GXYLT2: variants seen among roughly 807,000 people sequenced by gnomAD.
GXYLT2 encodes glucoside xylosyltransferase 2, also known as glycosyltransferase 8 domain containing 4.
A neutral mutation model predicts 45.8 loss-of-function variants in GXYLT2; 53 were observed. That is an observed-to-expected ratio of 1.16 (90% CI 0.93 to 1.46). The LOEUF is 1.46. Among genes scored for constraint, GXYLT2 ranks in the 40% most tolerant of loss-of-function variants. GXYLT2 has a pLI of 0.00. For missense variants in GXYLT2, 551 were observed against 544.4 expected (o/e 1.01, Z -0.12); for synonymous variants, 219 against 214.2 (o/e 1.02, Z -0.19).
At chr3:72,965,544 C>T (rs190282302) in intron 5 of GXYLT2, among the ~76,000 whole-genome samples, 1 of 152,232 alleles carries the variant, frequency 6.6e-6, no homozygotes, top group East Asian at 1.9e-4. Flanking sequence ...AGCATCAAGC[C>T]GAGAAGCCAG....
At chr3:72,894,561 C>T (rs920036039) in intron 1 of GXYLT2, among the ~76,000 whole-genome samples, 1 of 152,198 alleles carries the variant, frequency 6.6e-6, no homozygotes, top group Non-Finnish European at 1.5e-5. Context: ...TGAGCATACC[C>T]TTAGAATGAC....
chr3:72,967,408 T>A, intron 5 of GXYLT2, 139 bp from the exon 6 acceptor site: 1 of 585,340 alleles, frequency 1.7e-6, no homozygotes, highest in Non-Finnish European at 2.8e-6. Flanking sequence ...CAAAATTTGA[T>A]CTATGAGTAA....
chr3:72,918,397 T>C (rs935446949), intron 2 of GXYLT2, among the ~76,000 whole-genome samples: 1 of 152,208 alleles, frequency 6.6e-6, no homozygotes, highest in African/African-American at 2.4e-5. Flanking sequence ...CTTCTTTAGA[T>C]TGTTTCTAAT....
At chr3:72,941,086 A>G (rs1456452465) in intron 3 of GXYLT2, among the ~76,000 whole-genome samples, 1 of 152,214 alleles carries the variant, frequency 6.6e-6, no homozygotes, top group Admixed American at 6.5e-5. Flanking sequence ...AGACATTCGC[A>G]TGCACCAGAA....
chr3:72,975,202 A>T lies in GXYLT2; in HGVS notation c.*43A>T, dbSNP rs373822031. Reference sequence around the variant, plus strand: ...AAGTCAATTAGGTGTCTTGTGACCAAGGAAATACTAATCTCTAAGCTGCCT... The same window carrying T: ...AAGTCAATTAGGTGTCTTGTGACCATGGAAATACTAATCTCTAAGCTGCCT... On this transcript the variant is annotated 3_prime_UTR_variant, in exon 7 of 7. Coordinates refer to ENST00000389617, the MANE Select transcript of GXYLT2 (RefSeq NM_001080393.2). 25 of 1,418,738 alleles carry T rather than the reference A, an allele frequency of 1.8e-5. No individual in the cohort carries two copies. The highest frequency in any genetic ancestry group is 2.4e-5 in the Non-Finnish European group (25 of 1,021,652). The allele number at this position is 1,418,738 out of a possible 1,614,324, so 87.9% of individuals were successfully genotyped here.
At chr3:72,956,055 C>A (rs1356774269) in intron 4 of GXYLT2, among the ~76,000 whole-genome samples, 1 of 152,008 alleles carries the variant, frequency 6.6e-6, no homozygotes, top group African/African-American at 2.4e-5. Context: ...TCCAGCCTGG[C>A]GACAGAGACT....
chr3:72,927,305 C>T (rs1709937954), intron 3 of GXYLT2: 1 of 152,136 alleles, frequency 6.6e-6, no homozygotes, highest in Non-Finnish European at 1.5e-5. Flanking sequence ...TTCCAAGAAA[C>T]TTGTCCCACT....
intron 3 of GXYLT2, among the ~76,000 whole-genome samples, chr3:72,934,456 G>C (rs528771817): frequency 8.0e-4 from 122 of 152,154 alleles, no homozygotes; most frequent in African/African-American, 2.8e-3. Context: ...ACCTTGACTT[G>C]AGACAGCTAA....
intron 1 of GXYLT2, among the ~76,000 whole-genome samples, chr3:72,894,733 C>T (rs1389281730): frequency 1.3e-5 from 2 of 152,204 alleles, no homozygotes; most frequent in African/African-American, 2.4e-5. Flanking sequence ...TTTTGGGTTG[C>T]ATGAAGATTG....
chr3:72,915,005 T>C (rs1274757786), intron 2 of GXYLT2, among the ~76,000 whole-genome samples: 3 of 151,916 alleles, frequency 2.0e-5, no homozygotes. Flanking sequence ...ATACAAAAAT[T>C]AGCTGGGCAT....
intron 1 of GXYLT2, among the ~76,000 whole-genome samples, chr3:72,901,221 G>A (rs984355141): frequency 3.3e-5 from 5 of 151,660 alleles, no homozygotes; most frequent in African/African-American, 7.3e-5. Flanking sequence ...CCTGGAAAGC[G>A]GAGGTTGCAG....
chr3:72,907,622 C>A (rs1344190993), intron 1 of GXYLT2, among the ~76,000 whole-genome samples: 6 of 151,920 alleles, frequency 3.9e-5, no homozygotes, highest in Non-Finnish European at 7.4e-5. Context: ...ACCCTTGGAC[C>A]CTATCCCTCT....
At chr3:72,961,721 T>C (rs1248934105) in intron 5 of GXYLT2, among the ~76,000 whole-genome samples, 2 of 150,180 alleles carry the variant, frequency 1.3e-5, no homozygotes, top group African/African-American at 4.9e-5. Flanking sequence ...TGAATTCTCT[T>C]TAATTTGGGA....
At chr3:72,917,988 A>G (rs1333453268) in intron 2 of GXYLT2, among the ~76,000 whole-genome samples, 1 of 152,068 alleles carries the variant, frequency 6.6e-6, no homozygotes, top group Non-Finnish European at 1.5e-5. Context: ...TTTCCTCTAA[A>G]GTGAGTTGAC....
intron 2 of GXYLT2, among the ~76,000 whole-genome samples, chr3:72,914,171 G>A (rs537610608): frequency 2.6e-5 from 4 of 152,242 alleles, no homozygotes; most frequent in African/African-American, 7.2e-5. Context: ...TGATTCCTCC[G>A]AAGGCTGCAG....
intron 1 of GXYLT2, among the ~76,000 whole-genome samples, chr3:72,901,468 GAA>G (rs71124001): frequency 8.6e-6 from 1 of 115,650 alleles, no homozygotes; most frequent in African/African-American, 3.0e-5. Context: ...TGCATCAAAA[GAA>G]AAAAAAAAAG....
intron 1 of GXYLT2, among the ~76,000 whole-genome samples, chr3:72,889,661 C>CTA (rs1013423606): frequency 6.6e-6 from 1 of 152,148 alleles, no homozygotes; most frequent in African/African-American, 2.4e-5. Context: ...TTCCCCTCTT[C>CTA]TATACTGGAG....
chr3:72,964,060 T>A (rs1027137904), intron 5 of GXYLT2, among the ~76,000 whole-genome samples: 9 of 152,120 alleles, frequency 5.9e-5, no homozygotes, highest in Non-Finnish European at 1.3e-4. Flanking sequence ...TCCTCCCACC[T>A]TGGCCTCCCA....
chr3:72,946,144 A>G (rs1340766342), intron 3 of GXYLT2, among the ~76,000 whole-genome samples: 1 of 151,708 alleles, frequency 6.6e-6, no homozygotes, highest in Non-Finnish European at 1.5e-5. Flanking sequence ...AGGCCTGATG[A>G]TATATGCCTG....
Sources: allele counts gnomAD v4.1 joint callset (sites outside exome capture counted in the v4.1 genomes callset), GRCh38; gene constraint gnomAD v4.1.1; transcripts MANE v1.5; gene names NCBI Gene and HGNC (gene_info 2026-07-23, HGNC 2026-07-21).